SLC14A2: variants seen among roughly 807,000 people sequenced by gnomAD.
The protein encoded by SLC14A2 is urea transporter 2.
A neutral mutation model predicts 104.6 loss-of-function variants in SLC14A2; 91 were observed. The ratio of observed to expected loss-of-function variants is 0.87; its 90% CI spans 0.73 to 1.04. SLC14A2 has a LOEUF of 1.04. SLC14A2 is among the 50% of genes least tolerant of loss of function. SLC14A2 has a pLI of 0.00. For synonymous variants in SLC14A2, 476 were observed against 466.4 expected (o/e 1.02, Z -0.27); for missense variants, 1,189 against 1,156.0 (o/e 1.03, Z -0.41).
chr18:45,260,485 G>T (rs1407410842), intron 1 of SLC14A2, among the ~76,000 whole-genome samples: 2 of 152,032 alleles, frequency 1.3e-5, no homozygotes, highest in East Asian at 1.9e-4. Context: ...AAAATAAATG[G>T]TTCTGTCAAA....
the SLC14A2 span, among the ~76,000 whole-genome samples, chr18:45,191,747 A>C: frequency 6.6e-6 from 1 of 152,148 alleles, no homozygotes; most frequent in Non-Finnish European, 1.5e-5. Context: ...TAGGGGTGTC[A>C]AGCAGACACC....
At chr18:45,535,612 A>G (rs2543019) in intron 2 of SLC14A2, among the ~76,000 whole-genome samples, 33,922 of 152,084 alleles carry the variant, frequency 0.22, 5,891 homozygotes, top group African/African-American at 0.48. Flanking sequence ...GTCCAGAGTT[A>G]GCAGAGACTG....
chr18:45,506,613 G>C (rs1194735946), intron 2 of SLC14A2, among the ~76,000 whole-genome samples: 1 of 152,188 alleles, frequency 6.6e-6, no homozygotes, highest in African/African-American at 2.4e-5. Flanking sequence ...AGAAATTGGA[G>C]TGATGCCACC....
intron 1 of SLC14A2, among the ~76,000 whole-genome samples, chr18:45,279,194 A>G (rs2084735752): frequency 6.6e-6 from 1 of 152,238 alleles, no homozygotes; most frequent in Admixed American, 6.5e-5. Flanking sequence ...TAAAGGGAAC[A>G]TGCCGACAGC....
intron 1 of SLC14A2, among the ~76,000 whole-genome samples, chr18:45,455,100 G>A (rs1052619341): frequency 2.6e-5 from 4 of 152,064 alleles, no homozygotes; most frequent in African/African-American, 9.7e-5. Flanking sequence ...TGGGCAGTAT[G>A]GCCATTTTCA....
chr18:45,181,238 G>T, the SLC14A2 span: 1 of 152,268 alleles, frequency 6.6e-6, no homozygotes, highest in South Asian at 2.1e-4. Flanking sequence ...CTTGCAAAAG[G>T]ACTCTCTTCG....
At chr18:45,470,890 C>G (rs11874355) in intron 1 of SLC14A2, among the ~76,000 whole-genome samples, 9,813 of 152,138 alleles carry the variant, frequency 0.065, 795 homozygotes, top group African/African-American at 0.19. Context: ...CCTTCTCATT[C>G]CCTTCAACTT....
intron 2 of SLC14A2, 30 bp from the exon 3 acceptor site, chr18:45,625,653 A>G: frequency 3.3e-6 from 5 of 1,510,802 alleles, no homozygotes; most frequent in East Asian, 2.5e-5. Context: ...AAGCTGTATC[A>G]TTTGATGTCT....
intron 1 of SLC14A2, among the ~76,000 whole-genome samples, chr18:45,250,328 T>G (rs935062102): frequency 1.3e-5 from 2 of 152,198 alleles, no homozygotes; most frequent in Non-Finnish European, 2.9e-5. Context: ...GGGGCCACAT[T>G]TTTAACTAGT....
chr18:45,492,853 A>T (rs1473771818), intron 2 of SLC14A2, among the ~76,000 whole-genome samples: 1 of 152,216 alleles, frequency 6.6e-6, no homozygotes, highest in Non-Finnish European at 1.5e-5. Flanking sequence ...AGAGCCAATC[A>T]TCTTTTCTCA....
chr18:45,264,679 C>T (rs1434492315), intron 1 of SLC14A2, among the ~76,000 whole-genome samples: 1 of 152,052 alleles, frequency 6.6e-6, no homozygotes, highest in African/African-American at 2.4e-5. Flanking sequence ...CTTATAAAAT[C>T]AACAGATCTC....
At chr18:45,292,573 T>A (rs2084880555) in intron 1 of SLC14A2, among the ~76,000 whole-genome samples, 1 of 152,214 alleles carries the variant, frequency 6.6e-6, no homozygotes, top group Admixed American at 6.5e-5. Context: ...GTGGGGGCAG[T>A]TGTACCCAGA....
intron 1 of SLC14A2, among the ~76,000 whole-genome samples, chr18:45,272,479 CAGAAAG>C (rs1448272699): frequency 3.3e-5 from 5 of 151,960 alleles, no homozygotes; most frequent in Non-Finnish European, 7.4e-5. Flanking sequence ...AAGCCAGACA[CAGAAAG>C]AGAAACATCA....
At chr18:45,655,848 T>G (rs1339887306) in intron 10 of SLC14A2, among the ~76,000 whole-genome samples, 1 of 152,204 alleles carries the variant, frequency 6.6e-6, no homozygotes. Flanking sequence ...TTTAAAAAGT[T>G]GCAAATCCAT....
chr18:45,245,148 G>A (rs559456932), intron 1 of SLC14A2, among the ~76,000 whole-genome samples: 1 of 152,202 alleles, frequency 6.6e-6, no homozygotes, highest in Non-Finnish European at 1.5e-5. Flanking sequence ...GGAGGATCAA[G>A]GAGTGTATAA....
chr18:45,190,031 C>T, the SLC14A2 span, among the ~76,000 whole-genome samples: 12 of 152,178 alleles, frequency 7.9e-5, no homozygotes, highest in East Asian at 1.7e-3. Flanking sequence ...ATACCTGGGT[C>T]CTGAACAGGA....
chr18:45,637,229 AGACCTTCTCGCCAACCAATTT>A, intron 6 of SLC14A2, 47 bp downstream of exon 6: 1 of 1,515,314 alleles, frequency 6.6e-7, no homozygotes, highest in Non-Finnish European at 9.1e-7. Flanking sequence ...ATTCCACTGC[AGACCTTCTCGCCAACCAATTT>A]GTGGACTATC....
chr18:45,210,165 A>T (rs149391133), upstream of SLC14A2, among the ~76,000 whole-genome samples: 1 of 152,338 alleles, frequency 6.6e-6, no homozygotes, highest in Non-Finnish European at 1.5e-5. Flanking sequence ...AACATCCAGG[A>T]TAGAATGAGT....
the SLC14A2 span, among the ~76,000 whole-genome samples, chr18:45,169,860 A>AT: frequency 6.6e-6 from 1 of 152,122 alleles, no homozygotes; most frequent in African/African-American, 2.4e-5. Context: ...GGAAAACAGC[A>AT]CCCCAGGGAC....
Sources: allele counts gnomAD v4.1 joint callset (sites outside exome capture counted in the v4.1 genomes callset), GRCh38; gene constraint gnomAD v4.1.1; transcripts MANE v1.5; gene names NCBI Gene and HGNC (gene_info 2026-07-23, HGNC 2026-07-21).